The following ATP11A variants were observed in gnomAD, a reference collection of about 807,000 sequenced individuals.
The protein encoded by ATP11A is phospholipid-transporting ATPase IH.
A neutral mutation model predicts 154.4 loss-of-function variants in ATP11A; 81 were observed. The observed-to-expected ratio is 0.52, with a 90% CI of 0.44 to 0.63. The LOEUF is 0.63. ATP11A is among the 30% of genes least tolerant of loss of function. The pLI is 0.00. For missense variants in ATP11A, 1,316 were observed against 1,474.3 expected, an observed-to-expected ratio of 0.89 and a Z score of 1.76; for synonymous variants, 623 against 585.9, an observed-to-expected ratio of 1.06 and a Z score of -0.91.
chr13:112,729,836 T>G (rs2139683860), intron 1 of ATP11A, among the ~76,000 whole-genome samples: 1 of 152,318 alleles, frequency 6.6e-6, no homozygotes, highest in Non-Finnish European at 1.5e-5. Context: ...GCGCAAACTG[T>G]TAATGTTGTC....
chr13:112,855,929 G>A lies in ATP11A; in HGVS notation c.2262G>A (p.Gln754=), dbSNP rs1340766403. ...CTAACAGACTTTCAGCAGATATGCA[G>A]GACTACGGTTTAATTATCGACGGAG... ...DNLSGLSADM[Q]DYGLIIDGAA... Residue 754 remains glutamine (Q), a synonymous_variant, in exon 20 of 30, where the codon CAG becomes CAA. Coordinates refer to ENST00000375645, the MANE Select transcript of ATP11A (RefSeq NM_015205.3). 6.2e-7 allele frequency: 1 copy of A among 1,613,300 alleles called. No individual in the cohort carries two copies. Among genetic ancestry groups the A allele is most frequent in the South Asian group, 1.1e-5 (1 of 90,986 alleles).
chr13:112,805,190 A>ATTTTTAATGAT, intron 3 of ATP11A, 144 bp downstream of exon 3: 1 of 554,438 alleles, frequency 1.8e-6, no homozygotes, highest in South Asian at 3.4e-5. Flanking sequence ...TTTCTTAAGG[A>ATTTTTAATGAT]AGGGCAAAAT....
chr13:112,706,363 G>A (rs1887138954), intron 1 of ATP11A, among the ~76,000 whole-genome samples: 1 of 152,214 alleles, frequency 6.6e-6, no homozygotes, highest in African/African-American at 2.4e-5. Flanking sequence ...AGTCATAAAA[G>A]CGTGATGTTC....
intron 6 of ATP11A, among the ~76,000 whole-genome samples, chr13:112,818,272 G>A (rs185516166): frequency 1.3e-4 from 20 of 148,982 alleles, no homozygotes; most frequent in African/African-American, 3.0e-4. Flanking sequence ...GGCGATGACC[G>A]TTGGTGCGCT....
intron 29 of ATP11A, among the ~76,000 whole-genome samples, chr13:112,879,853 A>G (rs2080833672): frequency 2.0e-5 from 3 of 152,266 alleles, no homozygotes. Flanking sequence ...GAAAAGCATC[A>G]CAGGCCTCAG....
chr13:112,844,180 AGGTGACT>A (rs1258387079), intron 17 of ATP11A, among the ~76,000 whole-genome samples: 1 of 152,190 alleles, frequency 6.6e-6, no homozygotes, highest in Non-Finnish European at 1.5e-5. Flanking sequence ...TACAGGTCAC[AGGTGACT>A]GGTCCTCCAT....
intron 26 of ATP11A, among the ~76,000 whole-genome samples, chr13:112,872,027 A>G (rs1322304356): frequency 6.6e-6 from 1 of 152,226 alleles, no homozygotes; most frequent in African/African-American, 2.4e-5. Context: ...TGCAAACCCC[A>G]GAGCTACACC....
At chr13:112,808,290 TAAG>T (rs1227205535) in intron 4 of ATP11A, among the ~76,000 whole-genome samples, 1 of 151,914 alleles carries the variant, frequency 6.6e-6, no homozygotes, top group Non-Finnish European at 1.5e-5. Context: ...TTGGGGATGT[TAAG>T]AGGGGGTCAG....
intron 24 of ATP11A, 148 bp from the exon 25 acceptor site, chr13:112,862,292 T>TTG (rs1158842584): frequency 1.1e-6 from 1 of 928,246 alleles, no homozygotes; most frequent in African/African-American, 1.7e-5. Context: ...CATGCCACAT[T>TTG]TGTGGCCAGA....
At chr13:112,699,018 G>A (rs1159589336) in intron 1 of ATP11A, among the ~76,000 whole-genome samples, 2 of 152,156 alleles carry the variant, frequency 1.3e-5, no homozygotes, top group Non-Finnish European at 2.9e-5. Flanking sequence ...GTCAGCCACC[G>A]CGCCTGGTCT....
chr13:112,788,839 G>C (rs2077740318), intron 2 of ATP11A, among the ~76,000 whole-genome samples: 1 of 151,240 alleles, frequency 6.6e-6, no homozygotes, highest in Admixed American at 6.6e-5. Context: ...GTAGACCCCT[G>C]TGGCGACCTA....
intron 1 of ATP11A, among the ~76,000 whole-genome samples, chr13:112,770,935 C>T (rs142091595): frequency 5.3e-5 from 8 of 152,280 alleles, no homozygotes; most frequent in South Asian, 4.2e-4. Flanking sequence ...ATTTGAATAC[C>T]GGCCATTAGG....
intron 2 of ATP11A, among the ~76,000 whole-genome samples, chr13:112,795,110 G>T (rs181690683): frequency 2.3e-4 from 34 of 150,850 alleles, no homozygotes; most frequent in Middle Eastern, 3.6e-3. Context: ...CGGGCATCTT[G>T]GGGGGTTGCC....
rs1489353242 is a variant in ATP11A, at chr13:112,884,549, A to C, written c.*2683A>C. The C allele has an allele frequency of 1.3e-5, 2 of 152,256 alleles. No homozygotes were observed. The highest frequency in any genetic ancestry group is 1.3e-4 in the Admixed American group (2 of 15,286). The allele number at this position is 152,256 out of a possible 1,614,324, so 9.4% of individuals were successfully genotyped here. On this transcript the variant is annotated 3_prime_UTR_variant, in exon 30 of 30. Transcript: ENST00000375645. ...AGGATGAGAAGATCCTCAGTGAATG[A>C]CGTTGCAGGGTCTTCATGCAATTTT...
intron 1 of ATP11A, among the ~76,000 whole-genome samples, chr13:112,706,702 A>AT (rs897977046): frequency 1.2e-4 from 18 of 152,092 alleles, no homozygotes; most frequent in African/African-American, 4.3e-4. Context: ...TACAATGAGA[A>AT]TTTTTTTTGT....
At chr13:112,710,150 G>A (rs553115581) in intron 1 of ATP11A, among the ~76,000 whole-genome samples, 3 of 152,382 alleles carry the variant, frequency 2.0e-5, no homozygotes, top group Non-Finnish European at 2.9e-5. Flanking sequence ...GGCTGCAGTC[G>A]GGAATCACGA....
At chr13:112,805,103 T>G in intron 3 of ATP11A, 57 bp downstream of exon 3, 1 of 1,325,310 alleles carries the variant, frequency 7.5e-7, no homozygotes, top group East Asian at 2.4e-5. Context: ...AAGTGACATT[T>G]TATTCTCAGG....
At position 112,690,389 on chromosome 13, in the gene ATP11A, C is replaced by G; in HGVS notation, c.-28C>G. The G allele has an allele frequency of 1.6e-6, 2 of 1,278,920 alleles. No homozygotes were observed. Among genetic ancestry groups the G allele is most frequent in the East Asian group, 5.9e-5 (2 of 33,658 alleles). 79.2% of individuals were successfully genotyped at this position (1,278,920 alleles called of 1,614,324 possible). On this transcript the variant is annotated 5_prime_UTR_variant, in exon 1 of 30. Transcript: ENST00000375645. The surrounding 1 kb of genome is among the most constrained non-coding windows in gnomAD (Gnocchi z 5.6). ...CCGAGCCGGGCGCGGGGGCGCTGAA[C>G]GGCGGAGCGGGAGCGGCCGGAGGAG...
intron 17 of ATP11A, among the ~76,000 whole-genome samples, chr13:112,849,478 C>G (rs1041497911): frequency 1.3e-5 from 2 of 152,204 alleles, no homozygotes; most frequent in Non-Finnish European, 2.9e-5. Flanking sequence ...TCACAGCAAC[C>G]TAAGTTCTGG....
Sources: gnomAD v4.1 joint callset for allele counts (sites outside exome capture counted in the v4.1 genomes callset) on GRCh38, gnomAD v4.1.1 for gene constraint, Gnocchi (gnomAD v3.1) non-coding constraint, MANE v1.5 for transcripts, NCBI Gene and HGNC (gene_info 2026-07-23, HGNC 2026-07-21) for gene names.